TSPEAR: variants seen among roughly 807,000 people sequenced by gnomAD.
The protein encoded by TSPEAR is thrombospondin-type laminin G domain and EAR repeat-containing protein.
In TSPEAR, 69 loss-of-function variants were observed where a neutral mutation model predicts 71.6. The ratio of observed to expected loss-of-function variants is 0.96; its 90% confidence interval spans 0.79 to 1.18. The LOEUF is 1.18. Among genes scored for constraint, TSPEAR ranks in the 50% most tolerant of loss-of-function variants. TSPEAR has a pLI of 0.00. For missense variants in TSPEAR, 971 were observed against 894.9 expected, an observed-to-expected ratio of 1.09 and a Z score of -1.09; for synonymous variants, 402 against 387.2, an observed-to-expected ratio of 1.04 and a Z score of -0.45.
intron 1 of TSPEAR, among the ~76,000 whole-genome samples, chr21:44,634,561 G>A (rs1403544756): frequency 2.6e-5 from 4 of 152,200 alleles, no homozygotes; most frequent in Non-Finnish European, 5.9e-5. Context: ...CACAAGGGAA[G>A]AACATGCTTG....
chr21:44,517,882 G>C (rs781913650), intron 9 of TSPEAR: 8 of 471,016 alleles, frequency 1.7e-5, no homozygotes, highest in Non-Finnish European at 4.4e-6. Flanking sequence ...CGCCCTTTCA[G>C]TCTGATGAGA....
At chr21:44,675,932 A>G (rs1400744463) in intron 1 of TSPEAR, 4 of 799,234 alleles carry the variant, frequency 5.0e-6, no homozygotes, top group Admixed American at 3.4e-5. Flanking sequence ...CAGGATTTCC[A>G]TTATCTGTTT....
Position 44,623,032 on chromosome 21 carries a change from C to A in TSPEAR, c.83-55027G>T, listed in dbSNP as rs1376305426. Among the ~76,000 whole-genome samples the A allele has an allele frequency of 1.3e-5, 2 of 152,196 alleles. No individual in the cohort carries two copies. The highest frequency in any genetic ancestry group is 4.8e-5 in the African/African-American group (2 of 41,446). ...ACATGCCCACTCCCCCTTCACCTTC[C>A]ACCATGAGCAAAGCCCCCTGAGGCC... On this transcript the variant is annotated intron_variant, in intron 1 of 11. Coordinates refer to ENST00000323084, the MANE Select transcript of TSPEAR (RefSeq NM_144991.3). The surrounding 1 kb of genome is among the most constrained non-coding windows in gnomAD (Gnocchi z 4.5).
At chr21:44,697,814 C>G (rs547856197) in intron 1 of TSPEAR, 5 of 1,613,670 alleles carry the variant, frequency 3.1e-6, no homozygotes, top group East Asian at 2.2e-5. Flanking sequence ...TGTGTGCAGA[C>G]CCGCCCGCCG....
intron 1 of TSPEAR, among the ~76,000 whole-genome samples, chr21:44,587,478 G>T (rs370892184): frequency 5.3e-5 from 8 of 152,224 alleles, no homozygotes; most frequent in Admixed American, 2.0e-4. Flanking sequence ...GCAATTCAAT[G>T]CAATTCCCAT....
At chr21:44,613,541 G>A (rs1219998559) in intron 1 of TSPEAR, among the ~76,000 whole-genome samples, 13 of 152,302 alleles carry the variant, frequency 8.5e-5, no homozygotes, top group East Asian at 5.8e-4. Flanking sequence ...CCTGGGTTCC[G>A]GGCACTGCAG....
At position 44,612,769 on chromosome 21, in the gene TSPEAR, G is replaced by A. The variant is rs1569219458; in HGVS notation, c.83-44764C>T. On this transcript the variant is annotated intron_variant, in intron 1 of 11. Transcript: ENST00000323084. This position sits in a 1 kb window ranked among gnomAD's most constrained non-coding sequence, Gnocchi z 4.1. ...CTGTGTGCCGGCCTGCCTGCTGTGTGCCTGTCCCCTCCTGTTGTGTCCCTG... is the reference window on the plus strand; with the variant it reads ...CTGTGTGCCGGCCTGCCTGCTGTGTACCTGTCCCCTCCTGTTGTGTCCCTG... 3 of 1,613,166 alleles carry A rather than the reference G, an allele frequency of 1.9e-6. No individual in the cohort carries two copies.
At position 44,681,777 on chromosome 21, in the gene TSPEAR, G is replaced by C. The variant is rs373365418; in HGVS notation, c.82+29656C>G. On this transcript the variant is annotated intron_variant, in intron 1 of 11. Transcript: ENST00000323084. ...AAGACCAACTGAGGACTCATCCAGG[G>C]AGTGTACAGGTGTGGCCTCATCTGC... 8 of 1,555,724 alleles carry C rather than the reference G, an allele frequency of 5.1e-6. No individual in the cohort carries two copies. The African/African-American group carries it at 9.4e-5, about 18-fold the overall frequency.
intron 1 of TSPEAR, among the ~76,000 whole-genome samples, chr21:44,584,616 C>T (rs1447053217): frequency 1.6e-4 from 24 of 152,228 alleles, no homozygotes; most frequent in Non-Finnish European, 1.9e-4. Context: ...CTCCCTCTCT[C>T]TCTCTCTCAC....
chr21:44,517,571 A>G (rs2052618076), intron 9 of TSPEAR: 1 of 354,948 alleles, frequency 2.8e-6, no homozygotes. Flanking sequence ...GCACTGGCCC[A>G]TGGGCTGTGA....
chr21:44,669,016 A>G (rs994059840), intron 1 of TSPEAR, among the ~76,000 whole-genome samples: 1 of 149,880 alleles, frequency 6.7e-6, no homozygotes, highest in African/African-American at 2.6e-5. Context: ...AATGAGATTG[A>G]AGAAGAGTTC....
Position 44,545,328 on chromosome 21 carries a change from T to A in TSPEAR, c.304-11405A>T, listed in dbSNP as rs587666869. On this transcript the variant is annotated intron_variant, in intron 2 of 11. Transcript: ENST00000323084. ...GCAAGACTCTGTCTCAAAAAAAAAA[T>A]TGATTAATTAATTAATTAAAAAAAA... 3.0e-4 allele frequency among the ~76,000 whole-genome samples: 45 copies of A among 149,570 alleles called. 1 individual carries two copies. The highest frequency in any genetic ancestry group is 2.9e-3 in the Admixed American group (44 of 15,066).
rs139123754 is a variant in TSPEAR at position 44,661,866 on chromosome 21, A to G, written c.82+49567T>C. On this transcript the variant is annotated intron_variant, in intron 1 of 11. Coordinates refer to ENST00000323084, the MANE Select transcript of TSPEAR (RefSeq NM_144991.3). ...AGCACCAAGGGGATGACGCTTAACC[A>G]TTCATGAGAAATCCACCCCCGTGAT... 7.7e-3 allele frequency among the ~76,000 whole-genome samples: 1,168 copies of G among 152,208 alleles called. 13 individuals are homozygous for G. The highest frequency in any genetic ancestry group is 0.027 in the African/African-American group (1,114 of 41,514).
chr21:44,617,971 T>C (rs1982213843), intron 1 of TSPEAR, among the ~76,000 whole-genome samples: 4 of 152,140 alleles, frequency 2.6e-5, no homozygotes, highest in Non-Finnish European at 5.9e-5. Context: ...TCAAAAAGAG[T>C]GTCCAAACTG....
chr21:44,675,888 T>C (rs117921563), intron 1 of TSPEAR: 36 of 725,508 alleles, frequency 5.0e-5, no homozygotes, highest in Non-Finnish European at 7.6e-5. Flanking sequence ...TGTACTTGAG[T>C]GGTTCTTGTG....
chr21:44,570,127 A>C (rs2053771344), intron 1 of TSPEAR, among the ~76,000 whole-genome samples: 1 of 152,080 alleles, frequency 6.6e-6, no homozygotes, highest in Admixed American at 6.5e-5. Context: ...CGTGGGGGCC[A>C]CCATCCAGAA....
At chr21:44,698,565 C>T (rs561514214) in intron 1 of TSPEAR, among the ~76,000 whole-genome samples, 9 of 152,328 alleles carry the variant, frequency 5.9e-5, no homozygotes, top group East Asian at 1.9e-4. Flanking sequence ...CAGGCACAGC[C>T]GTCCCCACCG....
chr21:44,682,226 G>C, intron 1 of TSPEAR: 1 of 1,317,812 alleles, frequency 7.6e-7, no homozygotes, highest in Non-Finnish European at 1.1e-6. Flanking sequence ...CCACAGCACA[G>C]AAGCACACAC....
At chr21:44,702,748 T>A in intron 1 of TSPEAR, 1 of 1,395,076 alleles carries the variant, frequency 7.2e-7, no homozygotes, top group Non-Finnish European at 1.0e-6. Flanking sequence ...CCGCCGTGTG[T>A]GCTCCCACCT....
Sources: gnomAD v4.1 joint callset for allele counts (sites outside exome capture counted in the v4.1 genomes callset) on GRCh38, gnomAD v4.1.1 for gene constraint, Gnocchi (gnomAD v3.1) non-coding constraint, MANE v1.5 for transcripts, NCBI Gene and HGNC (gene_info 2026-07-23, HGNC 2026-07-21) for gene names.